Variants in EFR3B observed in about 807,000 individuals in gnomAD.
EFR3B encodes the protein protein EFR3 homolog B.
In EFR3B, 64 loss-of-function variants were observed where a neutral mutation model predicts 104.7. The observed-to-expected ratio is 0.61, with a 90% CI of 0.50 to 0.75. EFR3B has a LOEUF of 0.75. EFR3B is among the 30% of genes least tolerant of loss of function. The pLI is 0.00. For synonymous variants in EFR3B, 385 were observed against 417.9 expected (o/e 0.92, Z 0.96); for missense variants, 750 against 1,078.5 (o/e 0.70, Z 4.27).
rs138782550 is a variant in EFR3B, at chr2:25,065,811, C to G, written c.7+23492C>G. Among the ~76,000 whole-genome samples, 720 of 152,296 alleles carry G rather than the reference C, an allele frequency of 4.7e-3. 10 individuals are homozygous for G. The highest frequency in any genetic ancestry group is 0.017 in the African/African-American group (695 of 41,562). On this transcript the variant is annotated intron_variant, in intron 1 of 22. Transcript: ENST00000403714. Reference sequence around the variant, plus strand: ...GATGGCCTCTGCTCTGGGCTGTTCCCAGCCCACCCGTGTCACACACTCACC... The same window carrying G: ...GATGGCCTCTGCTCTGGGCTGTTCCGAGCCCACCCGTGTCACACACTCACC...
intron 21 of EFR3B, 42 bp from the exon 22 acceptor site, chr2:25,153,670 C>A: frequency 1.3e-6 from 2 of 1,546,532 alleles, no homozygotes; most frequent in East Asian, 2.5e-5. Flanking sequence ...AGGTTCTGGA[C>A]CCCCCACCCC....
intron 12 of EFR3B, 27 bp downstream of exon 12, chr2:25,133,461 C>T: frequency 2.6e-6 from 4 of 1,551,964 alleles, no homozygotes; most frequent in Non-Finnish European, 3.5e-6. Context: ...CCCATTCCTG[C>T]TCTTCCTCTG....
At chr2:25,133,505 G>A in intron 12 of EFR3B, 71 bp downstream of exon 12, 1 of 1,462,512 alleles carries the variant, frequency 6.8e-7, no homozygotes, top group South Asian at 1.2e-5. Flanking sequence ...ACCAAGTGAA[G>A]GCCTCCACAT....
Position 25,139,107 on chromosome 2 carries a change from G to A in EFR3B, c.1771G>A (p.Ala591Thr). The change falls in exon 16 of 23, where the codon GCC (alanine) becomes ACC (threonine). Residue 591 changes from alanine (A) to threonine (T), a missense_variant. By Grantham distance (58) the Ala-to-Thr change is moderately conservative (BLOSUM62 0). Coordinates refer to ENST00000403714, the MANE Select transcript of EFR3B (RefSeq NM_014971.2). ...GAACTTGCCTGTCTACAACCGCTGT[G>A]CCCTCTATGCTCTGGGCGCAGCCTA... ...EENLPVYNRC[A>T]LYALGAAYLN... 6.4e-7 allele frequency: 1 copy of A among 1,551,754 alleles called. No homozygotes were observed. The highest frequency in any genetic ancestry group is 8.7e-7 in the Non-Finnish European group (1 of 1,146,992).
At chr2:25,075,454 C>T (rs1573183605) in intron 1 of EFR3B, among the ~76,000 whole-genome samples, 1 of 152,042 alleles carries the variant, frequency 6.6e-6, no homozygotes, top group African/African-American at 2.4e-5. Flanking sequence ...CATGGAAAAC[C>T]CTCTTTCTCA....
intron 3 of EFR3B, among the ~76,000 whole-genome samples, chr2:25,098,595 G>C (rs1041386788): frequency 6.6e-6 from 1 of 152,182 alleles, no homozygotes; most frequent in Non-Finnish European, 1.5e-5. Context: ...GAGAGCATTA[G>C]ACTCGGGGCT....
At chr2:25,128,096 C>T (rs1670215959) in intron 5 of EFR3B, 87 bp from the exon 6 acceptor site, 9 of 1,471,564 alleles carry the variant, frequency 6.1e-6, no homozygotes, top group Admixed American at 4.1e-5. Context: ...TCCCTGACTC[C>T]TAAGCTGTGC....
chr2:25,087,873 C>T (rs936027901), intron 1 of EFR3B, among the ~76,000 whole-genome samples: 12 of 152,168 alleles, frequency 7.9e-5, no homozygotes, highest in Admixed American at 4.6e-4. Flanking sequence ...TCGCCAAAAG[C>T]GAAGGTCATC....
At chr2:25,066,963 G>A (rs1198403676) in intron 1 of EFR3B, among the ~76,000 whole-genome samples, 3 of 152,160 alleles carry the variant, frequency 2.0e-5, no homozygotes, top group Non-Finnish European at 4.4e-5. Flanking sequence ...TTTGTGAGGA[G>A]TTTTATCCTG....
Position 25,155,850 on chromosome 2 carries a change from GTTTTTAA to G in EFR3B, c.*1516_*1522del, listed in dbSNP as rs1671151832. ...TAGATTTCTTGATCCAAAGGAATCC[GTTTTTAA>G]TTTTTTTTTTTTTCTAGAGATGGGG... On this transcript the variant is annotated 3_prime_UTR_variant, in exon 23 of 23. Transcript: ENST00000403714. The G allele has an allele frequency of 6.6e-6, 1 of 151,826 alleles. No individual in the cohort carries two copies. The highest frequency in any genetic ancestry group is 6.6e-5 in the Admixed American group (1 of 15,248). 9.4% of individuals were successfully genotyped at this position (151,826 alleles called of 1,614,324 possible).
intron 5 of EFR3B, among the ~76,000 whole-genome samples, chr2:25,124,908 A>G (rs1228352367): frequency 1.3e-5 from 2 of 151,968 alleles, no homozygotes; most frequent in Non-Finnish European, 2.9e-5. Flanking sequence ...AACACAAAAA[A>G]TTAGCCAGGC....
intron 1 of EFR3B, among the ~76,000 whole-genome samples, chr2:25,056,285 C>G (rs1157610785): frequency 6.6e-6 from 1 of 152,166 alleles, no homozygotes; most frequent in South Asian, 2.1e-4. Context: ...CCTGCTGAAA[C>G]GGTTAAGGCC....
intron 1 of EFR3B, among the ~76,000 whole-genome samples, chr2:25,059,417 C>T (rs2149168223): frequency 6.6e-6 from 1 of 152,150 alleles, no homozygotes; most frequent in African/African-American, 2.4e-5. Flanking sequence ...AAAATCTTGA[C>T]ACATAGTACA....
chr2:25,103,586 C>T, intron 3 of EFR3B, 51 bp from the exon 4 acceptor site: 1 of 1,527,610 alleles, frequency 6.5e-7, no homozygotes, highest in South Asian at 1.2e-5. Context: ...CCTGGTTGGG[C>T]CATGGGGTGG....
At chr2:25,128,473 C>G in intron 6 of EFR3B, 141 bp downstream of exon 6, 1 of 1,089,696 alleles carries the variant, frequency 9.2e-7, no homozygotes, top group Non-Finnish European at 1.3e-6. Flanking sequence ...TGCAGTGAGT[C>G]CAAAGCTGGC....
At chr2:25,058,828 A>AT (rs549570817) in intron 1 of EFR3B, among the ~76,000 whole-genome samples, 2 of 149,242 alleles carry the variant, frequency 1.3e-5, no homozygotes, top group Non-Finnish European at 3.0e-5. Flanking sequence ...AACTGGAACC[A>AT]TCATTGTGTA....
rs1396706581 is a variant in EFR3B, at chr2:25,155,437, G to A, written c.*1097G>A. The A allele has an allele frequency of 1.3e-5, 2 of 152,352 alleles. No homozygotes were observed. The highest frequency in any genetic ancestry group is 1.9e-4 in the East Asian group (1 of 5,184). 9.4% of individuals were successfully genotyped at this position (152,352 alleles called of 1,614,324 possible). A position where few individuals can be genotyped will look rare whatever the true frequency, so the allele number is the denominator to read the frequency against. ...TGGGACATCAGCACCACCTGGCAACGCTTGTGGCTTGGGAGGAGCCATGGA... is the reference window on the plus strand; with the variant it reads ...TGGGACATCAGCACCACCTGGCAACACTTGTGGCTTGGGAGGAGCCATGGA... On this transcript the variant is annotated 3_prime_UTR_variant, in exon 23 of 23. Transcript: ENST00000403714.
intron 1 of EFR3B, among the ~76,000 whole-genome samples, chr2:25,067,437 T>G (rs1399892191): frequency 2.2e-4 from 33 of 150,460 alleles, no homozygotes; most frequent in African/African-American, 7.1e-4. Flanking sequence ...TTTTTTTTTT[T>G]TTGTTTTTTG....
At chr2:25,078,308 A>G (rs1668691868) in intron 1 of EFR3B, among the ~76,000 whole-genome samples, 2 of 152,238 alleles carry the variant, frequency 1.3e-5, no homozygotes, top group African/African-American at 4.8e-5. Flanking sequence ...GCGGGTGTCC[A>G]TGCCATTAGC....
Sources: allele counts gnomAD v4.1 joint callset (sites outside exome capture counted in the v4.1 genomes callset), GRCh38; gene constraint gnomAD v4.1.1; transcripts MANE v1.5; gene names NCBI Gene and HGNC (gene_info 2026-07-23, HGNC 2026-07-21).